Variants in PSME4 observed in about 807,000 individuals in gnomAD.
PSME4 encodes the protein proteasome activator subunit 4.
In PSME4, 89 loss-of-function variants were observed where a neutral mutation model predicts 253.9. The observed-to-expected ratio is 0.35, with a 90% CI of 0.30 to 0.42. The LOEUF is 0.42. Among genes scored for constraint, PSME4 ranks in the 10% least tolerant of loss-of-function variants. The pLI, the probability that PSME4 is intolerant of heterozygous loss-of-function variation, is 1.00. For synonymous variants in PSME4, 851 were observed against 759.2 expected, an observed-to-expected ratio of 1.12 and a Z score of -1.99; for missense variants, 2,014 against 2,195.2, an observed-to-expected ratio of 0.92 and a Z score of 1.65.
chr2:53,914,170 T>G (rs1162594673), intron 20 of PSME4, among the ~76,000 whole-genome samples: 1 of 152,192 alleles, frequency 6.6e-6, no homozygotes, highest in Non-Finnish European at 1.5e-5. Context: ...CTCCTCTACC[T>G]TGAGTAACCC....
chr2:53,958,183 CAAAAA>C (rs1211892917), intron 1 of PSME4, among the ~76,000 whole-genome samples: 3 of 65,810 alleles, frequency 4.6e-5, no homozygotes, highest in Admixed American at 1.8e-4. Flanking sequence ...AAGACTCTGT[CAAAAA>C]AAAAAAAAAA....
intron 3 of PSME4, among the ~76,000 whole-genome samples, chr2:53,940,499 C>A (rs1193655758): frequency 6.6e-6 from 1 of 152,064 alleles, no homozygotes; most frequent in African/African-American, 2.4e-5. Context: ...ACAATAGCAT[C>A]TCTTTGAGCA....
intron 1 of PSME4, among the ~76,000 whole-genome samples, chr2:53,951,385 A>C (rs1408988260): frequency 6.6e-6 from 1 of 152,206 alleles, no homozygotes; most frequent in Non-Finnish European, 1.5e-5. Flanking sequence ...CCCAGCACTT[A>C]CATTTAATTT....
At chr2:53,930,836 C>G (rs1304665908) in intron 10 of PSME4, among the ~76,000 whole-genome samples, 1 of 152,178 alleles carries the variant, frequency 6.6e-6, no homozygotes, top group Non-Finnish European at 1.5e-5. Context: ...CTAGATCCTT[C>G]TGGGTTCTAA....
intron 3 of PSME4, among the ~76,000 whole-genome samples, chr2:53,941,656 T>C (rs1248369654): frequency 6.6e-6 from 1 of 152,114 alleles, no homozygotes; most frequent in African/African-American, 2.4e-5. Context: ...AAGTATAGAA[T>C]TAACAGCTAA....
chr2:53,866,282 A>T (rs913825244), intron 45 of PSME4, 59 bp from the exon 46 acceptor site: 1 of 1,562,102 alleles, frequency 6.4e-7, no homozygotes, highest in East Asian at 2.3e-5. Flanking sequence ...GATCATATGT[A>T]GGATACTTTT....
rs1394373588 is a variant in PSME4, at chr2:53,910,146, A to T, written c.2517-16T>A. ...ACTTGGTACTCTGTATAAAAACAAGAGTGCTTGCATTTATTAATAATACCA... is the reference window on the plus strand; with the variant it reads ...ACTTGGTACTCTGTATAAAAACAAGTGTGCTTGCATTTATTAATAATACCA... On this transcript the variant is annotated splice_polypyrimidine_tract_variant and intron_variant, in intron 20 of 46. Coordinates refer to ENST00000404125, the MANE Select transcript of PSME4 (RefSeq NM_014614.3). The T allele has an allele frequency of 1.3e-6, 2 of 1,596,358 alleles. No homozygotes were observed. The highest frequency in any genetic ancestry group is 1.7e-6 in the Non-Finnish European group (2 of 1,163,982).
chr2:53,915,160 G>T (rs1667999293), intron 20 of PSME4, among the ~76,000 whole-genome samples: 1 of 152,148 alleles, frequency 6.6e-6, no homozygotes, highest in South Asian at 2.1e-4. Context: ...GCTTTGGCTG[G>T]GCGTGGTGGT....
chr2:53,869,579 T>A (rs1359123285), intron 43 of PSME4, 41 bp from the exon 44 acceptor site: 3 of 1,417,074 alleles, frequency 2.1e-6, no homozygotes, highest in Non-Finnish European at 2.8e-6. Context: ...ACATTCTAAG[T>A]CTGAGGGAAT....
At chr2:53,903,670 G>C (rs115723951) in intron 27 of PSME4, among the ~76,000 whole-genome samples, 3 of 152,114 alleles carry the variant, frequency 2.0e-5, no homozygotes, top group East Asian at 1.9e-4. Flanking sequence ...TGCCAGCCAG[G>C]CTACTTGGCC....
intron 1 of PSME4, among the ~76,000 whole-genome samples, chr2:53,965,112 C>T (rs964024816): frequency 6.6e-6 from 1 of 152,150 alleles, no homozygotes; most frequent in African/African-American, 2.4e-5. Flanking sequence ...GACACACACA[C>T]ACACACACGA....
At chr2:53,941,313 T>C (rs1012033437) in intron 3 of PSME4, among the ~76,000 whole-genome samples, 5 of 148,834 alleles carry the variant, frequency 3.4e-5, no homozygotes, top group East Asian at 1.9e-4. Context: ...AAAAAGAAAC[T>C]ACATGGCCAA....
chr2:53,868,524 T>C (rs1678700501), intron 44 of PSME4, among the ~76,000 whole-genome samples: 1 of 61,768 alleles, frequency 1.6e-5, no homozygotes, highest in Non-Finnish European at 3.4e-5. Flanking sequence ...ATATTTATAA[T>C]ATATATAATA....
intron 43 of PSME4, 162 bp from the exon 44 acceptor site, chr2:53,869,700 C>G (rs1678774177): frequency 2.1e-6 from 1 of 475,458 alleles, no homozygotes; most frequent in South Asian, 7.1e-5. Flanking sequence ...TCAGCAGATT[C>G]TCAAAGAGTT....
At chr2:53,895,864 T>A in intron 32 of PSME4, 128 bp from the exon 33 acceptor site, 1 of 798,420 alleles carries the variant, frequency 1.3e-6, no homozygotes, top group South Asian at 2.1e-5. Context: ...AACATTAAGA[T>A]AACATATATA....
chr2:53,910,296 T>C (rs1410038358), intron 20 of PSME4, among the ~76,000 whole-genome samples, 166 bp from the exon 21 acceptor site: 1 of 152,196 alleles, frequency 6.6e-6, no homozygotes, highest in East Asian at 1.9e-4. Context: ...TTTCTCAAGA[T>C]GAATGCTGTT....
At chr2:53,877,210 AG>A (rs1679175052) in intron 41 of PSME4, among the ~76,000 whole-genome samples, 1 of 141,122 alleles carries the variant, frequency 7.1e-6, no homozygotes, top group Non-Finnish European at 1.5e-5. Context: ...GATTCTCATG[AG>A]GCTGGCATGG....
intron 1 of PSME4, among the ~76,000 whole-genome samples, chr2:53,959,816 G>C (rs1270516183): frequency 3.3e-5 from 5 of 152,226 alleles, no homozygotes; most frequent in Non-Finnish European, 7.3e-5. Context: ...AGCATTTCTA[G>C]AGCAAACAAC....
At chr2:53,867,320 C>T (rs529634694) in intron 44 of PSME4, among the ~76,000 whole-genome samples, 84 of 152,176 alleles carry the variant, frequency 5.5e-4, no homozygotes, top group African/African-American at 1.9e-3. Context: ...GCTTGGCCAA[C>T]GTGGCGAAAC....
Sources: gnomAD v4.1 joint callset for allele counts (sites outside exome capture counted in the v4.1 genomes callset) on GRCh38, gnomAD v4.1.1 for gene constraint, MANE v1.5 for transcripts, NCBI Gene and HGNC (gene_info 2026-07-23, HGNC 2026-07-21) for gene names.